FNIP1: variants seen among roughly 807,000 people sequenced by gnomAD.
The protein encoded by FNIP1 is folliculin-interacting protein 1.
A neutral mutation model predicts 124.5 loss-of-function variants in FNIP1; 40 were observed. That is an observed-to-expected ratio of 0.32 (90% confidence interval 0.25 to 0.42). The LOEUF is 0.42. FNIP1 is among the 10% of genes least tolerant of loss of function. The pLI is 1.00. For synonymous variants in FNIP1, 472 were observed against 470.6 expected (o/e 1.00, Z -0.04); for missense variants, 1,176 against 1,403.7 (o/e 0.84, Z 2.59).
intron 13 of FNIP1, among the ~76,000 whole-genome samples, chr5:131,675,838 A>T (rs939736198): frequency 2.6e-5 from 4 of 152,116 alleles, no homozygotes; most frequent in Non-Finnish European, 5.9e-5. Flanking sequence ...ATGGTTTCAG[A>T]GGCATATATG....
At position 131,706,432 on chromosome 5, in the gene FNIP1, T is replaced by C. The variant is rs1433019640; in HGVS notation, c.893A>G (p.Glu298Gly). 6.2e-7 allele frequency: 1 copy of C among 1,612,468 alleles called. No individual in the cohort carries two copies. The highest frequency in any genetic ancestry group is 8.5e-7 in the Non-Finnish European group (1 of 1,179,310). ...TTACCATCTAGGAAATACCCCATTT[T>C]CCAAACTTGTTGTTTGGCTGCGTCG... The part of the protein sequence containing the change: ...RWRRSQTTSL[E>G]NGVFPRWSIE... Residue 298 changes from glutamate (E) to glycine (G), a missense_variant, in exon 9 of 18, where the codon GAA becomes GGA. Glu to Gly is a moderately conservative substitution (Grantham distance 98). Around this residue, in one of 2 missense-constraint regions of FNIP1, gnomAD observed 1,109 missense variants for 1,288.5 expected, o/e 0.86. Coordinates refer to ENST00000510461, the MANE Select transcript of FNIP1 (RefSeq NM_133372.3).
intron 12 of FNIP1, among the ~76,000 whole-genome samples, chr5:131,678,561 C>T (rs1767977760): frequency 6.6e-6 from 1 of 152,132 alleles, no homozygotes; most frequent in African/African-American, 2.4e-5. Flanking sequence ...GCACCCGCCA[C>T]CATGCCCGGC....
Position 131,670,474 on chromosome 5 carries a change from G to T in FNIP1, c.3097C>A (p.His1033Asn). Residue 1033 changes from histidine to asparagine, a missense_variant, in exon 15 of 18, where the codon CAT becomes AAT. By Grantham distance (68) the His-to-Asn change is moderately conservative. This residue lies in a region of FNIP1 where 1,109 missense variants were observed against 1,288.5 expected (regional missense o/e 0.86). Transcript: ENST00000510461. The part of the protein sequence containing the change: ...FRQCLMSDLS[H>N]AVQHPVLDEP... ...TGAAGGTCACTCACCTGCACAGCAT[G>T]AGATAAATCTGACATCAGACACTGA... 1 of 1,609,100 alleles carries T rather than the reference G, an allele frequency of 6.2e-7. No individual in the cohort carries two copies.
At chr5:131,668,000 CA>C (rs1767651676) in intron 15 of FNIP1, among the ~76,000 whole-genome samples, 2 of 152,142 alleles carry the variant, frequency 1.3e-5, no homozygotes, top group Admixed American at 1.3e-4. Flanking sequence ...TTCAACCAAA[CA>C]ATAGCTGAAG....
chr5:131,748,195 C>G (rs1423468492), intron 1 of FNIP1, among the ~76,000 whole-genome samples: 3 of 152,030 alleles, frequency 2.0e-5, no homozygotes, highest in Non-Finnish European at 4.4e-5. Flanking sequence ...CAACAACAAA[C>G]TGTATATATG....
At chr5:131,721,008 C>G (rs914478344) in intron 3 of FNIP1, among the ~76,000 whole-genome samples, 3 of 152,172 alleles carry the variant, frequency 2.0e-5, no homozygotes, top group Admixed American at 2.0e-4. Context: ...AAATCAGGAT[C>G]TCAAAGAGAT....
intron 10 of FNIP1, among the ~76,000 whole-genome samples, chr5:131,702,679 T>C (rs958168214): frequency 1.3e-5 from 2 of 152,204 alleles, no homozygotes; most frequent in Admixed American, 6.6e-5. Context: ...TAAAAAACCT[T>C]TGTCCTTCCT....
chr5:131,788,407 G>A lies in FNIP1; in HGVS notation c.92+8423C>T, dbSNP rs144047840. 5.5e-3 allele frequency among the ~76,000 whole-genome samples: 830 copies of A among 152,224 alleles called. 12 individuals are homozygous for A. The highest frequency in any genetic ancestry group is 0.019 in the African/African-American group (802 of 41,530). On this transcript the variant is annotated intron_variant, in intron 1 of 17. Coordinates refer to ENST00000510461, the MANE Select transcript of FNIP1 (RefSeq NM_133372.3). ...TCCAAGGCCAGGTGCAGTAGCTCAC[G>A]CCTGTAATCCCAGCACTGTGGGAGG...
rs1324357415 is a variant in FNIP1 at position 131,698,613 on chromosome 5, T to C, written c.1202+304A>G. Among the ~76,000 whole-genome samples the C allele has an allele frequency of 3.9e-5, 6 of 152,266 alleles. No individual in the cohort carries two copies. In the East Asian group the frequency reaches 9.6e-4, roughly 24 times the overall value. On this transcript the variant is annotated intron_variant, in intron 11 of 17. Transcript: ENST00000510461. The stretch of plus-strand genomic sequence containing the variant: ...CCACTGGTTAAATAACACTTAACAG[T>C]CCCTACATCTAGGATCCCAAGAGAG...
chr5:131,698,871 T>C (rs1171985827), intron 11 of FNIP1, 46 bp downstream of exon 11: 1 of 1,477,700 alleles, frequency 6.8e-7, no homozygotes, highest in Non-Finnish European at 9.2e-7. Context: ...AATCTTCCTG[T>C]GTACACTATG....
At chr5:131,777,713 T>C (rs1052350397) in intron 1 of FNIP1, among the ~76,000 whole-genome samples, 2 of 152,210 alleles carry the variant, frequency 1.3e-5, no homozygotes, top group Admixed American at 6.5e-5. Context: ...TCAGAAGAAA[T>C]GCAAACTATC....
chr5:131,780,134 C>A (rs115572179), intron 1 of FNIP1, among the ~76,000 whole-genome samples: 2 of 151,980 alleles, frequency 1.3e-5, no homozygotes, highest in African/African-American at 4.8e-5. Flanking sequence ...ACTAAAATGA[C>A]AGTAAATGAA....
chr5:131,785,155 G>GATATATATGACTATATATATATC (rs1772157960), intron 1 of FNIP1, among the ~76,000 whole-genome samples: 1 of 79,452 alleles, frequency 1.3e-5, no homozygotes, highest in Admixed American at 1.2e-4. Context: ...TCATATATAT[G>GATATATATGACTATATATATATC]ATATATATGA....
intron 8 of FNIP1, among the ~76,000 whole-genome samples, 190 bp downstream of exon 8, chr5:131,709,011 T>C (rs1361906531): frequency 6.6e-6 from 1 of 152,198 alleles, no homozygotes; most frequent in African/African-American, 2.4e-5. Context: ...CCTGGCTTTA[T>C]CCTACTTAGC....
intron 10 of FNIP1, among the ~76,000 whole-genome samples, chr5:131,699,683 C>T (rs560125082): frequency 1.6e-4 from 24 of 151,436 alleles, no homozygotes; most frequent in African/African-American, 5.6e-4. Flanking sequence ...TGAGCCACTG[C>T]CCCCAGCCCT....
intron 11 of FNIP1, among the ~76,000 whole-genome samples, chr5:131,695,295 G>A (rs1768655851): frequency 6.6e-6 from 1 of 152,174 alleles, no homozygotes. Flanking sequence ...ATAAACTCAT[G>A]CATCAAACTG....
chr5:131,785,743 AC>A (rs1772193650), intron 1 of FNIP1, among the ~76,000 whole-genome samples: 1 of 152,054 alleles, frequency 6.6e-6, no homozygotes, highest in Non-Finnish European at 1.5e-5. Flanking sequence ...AGTGGTATAC[AC>A]TTGTAGTCTC....
chr5:131,775,620 C>T (rs1028399394), intron 1 of FNIP1, among the ~76,000 whole-genome samples: 1 of 151,118 alleles, frequency 6.6e-6, no homozygotes, highest in Non-Finnish European at 1.5e-5. Context: ...CTCTGCCCCC[C>T]GGGTTCAAGC....
intron 12 of FNIP1, among the ~76,000 whole-genome samples, chr5:131,678,517 C>G (rs1767976029): frequency 6.6e-6 from 1 of 152,196 alleles, no homozygotes; most frequent in African/African-American, 2.4e-5. Context: ...ACGCCATTCT[C>G]CCGTCTCAGC....
Sources: gnomAD v4.1 joint callset for allele counts (sites outside exome capture counted in the v4.1 genomes callset) on GRCh38, gnomAD v4.1.1 for gene constraint, gnomAD v4.1.1 regional missense constraint, MANE v1.5 for transcripts, NCBI Gene and HGNC (gene_info 2026-07-23, HGNC 2026-07-21) for gene names.